Variants in IL5 observed in about 807,000 individuals in gnomAD.
IL5 encodes interleukin 5, also known as interleukin-5.
A neutral mutation model predicts 16.3 loss-of-function variants in IL5; 12 were observed. The observed-to-expected ratio is 0.74, with a 90% confidence interval of 0.47 to 1.20. IL5 has a LOEUF of 1.20. Ranked by LOEUF, IL5 falls within the 50% of genes most tolerant of loss-of-function variation. IL5 has a pLI of 0.00. For missense variants in IL5, 159 were observed against 153.9 expected (o/e 1.03, Z -0.17); for synonymous variants, 54 against 56.6 (o/e 0.95, Z 0.21).
Position 132,541,928 on chromosome 5 carries a change from G to T in IL5, c.307-19C>A. The T allele has an allele frequency of 1.2e-6, 2 of 1,610,774 alleles. No homozygotes were observed. The highest frequency in any genetic ancestry group is 1.7e-6 in the Non-Finnish European group (2 of 1,177,262). ...ACTTTTTCTGTGAAAAAAGAAAAAT[G>T]ACAATAGGTATTACAGGAAACTGTC... On this transcript the variant is annotated intron_variant, in intron 3 of 3. Coordinates refer to ENST00000231454, the MANE Select transcript of IL5 (RefSeq NM_000879.3).
At position 132,542,001 on chromosome 5, in the gene IL5, T is replaced by C; in HGVS notation, c.306+14A>G. ...CCAGACAAATATAGCTTCCATTGAATGTGTGTAACTTACTTTTTGGCCGTC... is the reference window on the plus strand; with the variant it reads ...CCAGACAAATATAGCTTCCATTGAACGTGTGTAACTTACTTTTTGGCCGTC... On this transcript the variant is annotated intron_variant, in intron 3 of 3. Transcript: ENST00000231454. The C allele has an allele frequency of 6.2e-7, 1 of 1,613,708 alleles. No homozygotes were observed. Among genetic ancestry groups the C allele is most frequent in the Non-Finnish European group, 8.5e-7 (1 of 1,179,792 alleles).
intron 1 of IL5, among the ~76,000 whole-genome samples, chr5:132,553,387 T>C (rs1309860880): frequency 6.6e-6 from 1 of 152,198 alleles, no homozygotes; most frequent in African/African-American, 2.4e-5. Flanking sequence ...TAAGAGATAA[T>C]GTTGGGTACT....
Position 132,542,131 on chromosome 5 carries a change from T to C in IL5, c.190A>G (p.Thr64Ala). 1 of 1,608,510 alleles carries C rather than the reference T, an allele frequency of 6.2e-7. No homozygotes were observed. The part of the protein sequence containing the change: ...VPVHKNHQLC[T>A]EEIFQGIGTL... ...CCTATTCCCTGAAAGATTTCTTCAG[T>C]GCACAGTTGGTGCTAAATGAGGAAA... Residue 64 changes from threonine (T) to alanine (A), a missense_variant, in exon 3 of 4, where the codon ACT (threonine) becomes GCT (alanine). Physicochemically the swap from Thr to Ala is moderately conservative, Grantham distance 58 (BLOSUM62 0). Transcript: ENST00000231454.
Position 132,541,463 on chromosome 5 carries a change from T to A in IL5, c.*348A>T, listed in dbSNP as rs199866511. The A allele has an allele frequency of 1.2e-4, 24 of 204,522 alleles. No homozygotes were observed. Among genetic ancestry groups the A allele is most frequent in the Non-Finnish European group, 2.1e-4 (21 of 102,182 alleles). 12.7% of individuals were successfully genotyped at this position (204,522 alleles called of 1,614,324 possible). On this transcript the variant is annotated 3_prime_UTR_variant, in exon 4 of 4. Transcript: ENST00000231454. ...CAAATTGAACAGTTGTCTATTTTTG[T>A]TTTATTAGAACACAACATAACATTA...
chr5:132,543,447 G>A lies in IL5; in HGVS notation c.32C>T (p.Ala11Val). MRMLLHLSLL[A>V]LGAAYVYAIP... is the part of the protein sequence containing the mutation. Reference sequence around the variant, plus strand: ...GGCATACACGTAGGCAGCTCCAAGAGCTAGCAAACTCAAATGCAGAAGCAT... The same window carrying A: ...GGCATACACGTAGGCAGCTCCAAGAACTAGCAAACTCAAATGCAGAAGCAT... The change falls in exon 1 of 4, where the codon GCT (alanine) becomes GTT (valine). Residue 11 changes from alanine to valine, a missense_variant. By Grantham distance (64) the Ala-to-Val change is moderately conservative (BLOSUM62 0). Transcript: ENST00000231454. The A allele has an allele frequency of 6.2e-7, 1 of 1,614,104 alleles. No homozygotes were observed. The highest frequency in any genetic ancestry group is 1.6e-4 in the Middle Eastern group (1 of 6,062).
At chr5:132,545,496 T>TA (rs1177831754), upstream of IL5, among the ~76,000 whole-genome samples, 1 of 151,628 alleles carries the variant, frequency 6.6e-6, no homozygotes, top group Non-Finnish European at 1.5e-5. Context: ...CTAGAAAAAA[T>TA]AAAAAATTGG....
chr5:132,556,193 CCACT>C (rs2149829118), intron 1 of IL5: 1 of 152,330 alleles, frequency 6.6e-6, no homozygotes, highest in African/African-American at 2.4e-5. Context: ...TAAATGTCCT[CCACT>C]ATTGTTTCAG....
chr5:132,546,344 G>A (rs1017328965), upstream of IL5, among the ~76,000 whole-genome samples: 4 of 151,884 alleles, frequency 2.6e-5, no homozygotes, highest in Non-Finnish European at 4.4e-5. Flanking sequence ...TTGCAACCAC[G>A]CTTCTACTTT....
chr5:132,543,744 A>G (rs2149823509), upstream of IL5: 1 of 290,624 alleles, frequency 3.4e-6, no homozygotes, highest in East Asian at 6.1e-5. Context: ...TTGGGTTAAT[A>G]CATCATTGCC....
chr5:132,544,363 T>C (rs1233179322), upstream of IL5, among the ~76,000 whole-genome samples: 5 of 152,242 alleles, frequency 3.3e-5, no homozygotes, highest in South Asian at 4.1e-4. Context: ...TAGTATATAC[T>C]GATTGGCTCT....
Position 132,550,616 on chromosome 5 carries a change from C to T in IL5, c.42+6058G>A, listed in dbSNP as rs546974981. ...GGATTACAGGTGTGAGCCAATGCGC[C>T]TGGCCAGAAAAAATAACTCTTATAT... On this transcript the variant is annotated intron_variant, in intron 1 of 2. Transcript: ENST00000450655. Among the ~76,000 whole-genome samples, 8 of 23,050 alleles carry T rather than the reference C, an allele frequency of 3.5e-4. No individual in the cohort carries two copies. The South Asian group carries it at 0.028, about 82-fold the overall frequency. The allele number at this position is 23,050 out of a possible 152,430, so 15.1% of individuals were successfully genotyped here. A position where few individuals can be genotyped will look rare whatever the true frequency, so the allele number is the denominator to read the frequency against.
chr5:132,552,276 AAAC>A (rs879370390), intron 1 of IL5, among the ~76,000 whole-genome samples: 5 of 152,112 alleles, frequency 3.3e-5, no homozygotes, highest in Non-Finnish European at 7.4e-5. Context: ...TCAAAAACAA[AAAC>A]AACAACAACA....
chr5:132,549,625 T>C (rs2522410), intron 1 of IL5, among the ~76,000 whole-genome samples: 142,595 of 152,280 alleles, frequency 0.94, 67,372 homozygotes, highest in East Asian at 1. Flanking sequence ...GTTACATTGG[T>C]GGGTAACATC....
At chr5:132,556,165 C>T (rs180752686) in intron 1 of IL5, 4 of 152,108 alleles carry the variant, frequency 2.6e-5, no homozygotes. Flanking sequence ...TACAGTAATT[C>T]CAAATTTGTG....
At chr5:132,545,812 C>T (rs192144984), upstream of IL5, among the ~76,000 whole-genome samples, 129 of 152,088 alleles carry the variant, frequency 8.5e-4, no homozygotes, top group African/African-American at 2.7e-3. Flanking sequence ...CCCAGTTACT[C>T]GGGAGGCTGA....
intron 1 of IL5, among the ~76,000 whole-genome samples, chr5:132,553,485 AGTAGAG>A (rs1368041205): frequency 6.6e-6 from 1 of 152,242 alleles, no homozygotes; most frequent in Non-Finnish European, 1.5e-5. Flanking sequence ...CCCCTTTAAA[AGTAGAG>A]GTAATTACAT....
At chr5:132,543,232 C>T in intron 1 of IL5, 103 bp downstream of exon 1, 3 of 1,411,256 alleles carry the variant, frequency 2.1e-6, no homozygotes, top group Non-Finnish European at 3.0e-6. Flanking sequence ...CTAATGTGCT[C>T]AGAATCTTAT....
intron 1 of IL5, among the ~76,000 whole-genome samples, chr5:132,551,271 G>C (rs1038065815): frequency 6.6e-6 from 1 of 152,170 alleles, no homozygotes; most frequent in South Asian, 2.1e-4. Context: ...CTATAAAATT[G>C]CATTAGAAAT....
upstream of IL5, among the ~76,000 whole-genome samples, chr5:132,548,422 C>A (rs143173830): frequency 1.6e-3 from 244 of 152,336 alleles, 2 homozygotes; most frequent in African/African-American, 5.7e-3. Context: ...AACAAGCAGG[C>A]ACTTACAACA....
Sources: allele counts gnomAD v4.1 joint callset (sites outside exome capture counted in the v4.1 genomes callset), GRCh38; gene constraint gnomAD v4.1.1; transcripts MANE v1.5; gene names NCBI Gene and HGNC (gene_info 2026-07-23, HGNC 2026-07-21).